Variants in RASGRF2 observed in about 807,000 individuals in gnomAD.
RASGRF2 encodes the protein Ras protein specific guanine nucleotide releasing factor 2, also known as ras-specific guanine nucleotide-releasing factor 2.
In RASGRF2, 76 loss-of-function variants were observed where a neutral mutation model predicts 151.0. The observed-to-expected ratio is 0.50, with a 90% CI of 0.42 to 0.61. RASGRF2 has a LOEUF of 0.61. Among genes scored for constraint, RASGRF2 ranks in the 20% least tolerant of loss-of-function variants. The probability of loss-of-function intolerance (pLI) is 0.00; values close to 1 mark genes in which losing one functional copy is unlikely to be tolerated. For synonymous variants in RASGRF2, 504 were observed against 566.5 expected (o/e 0.89, Z 1.57); for missense variants, 1,148 against 1,564.6 (o/e 0.73, Z 4.49).
intron 17 of RASGRF2, among the ~76,000 whole-genome samples, chr5:81,170,459 C>T (rs1322284361): frequency 1.3e-5 from 2 of 152,264 alleles, no homozygotes; most frequent in African/African-American, 2.4e-5. Context: ...TACTCTCTGA[C>T]TTTACCTCCC....
intron 5 of RASGRF2, among the ~76,000 whole-genome samples, chr5:81,074,839 C>G (rs1168888741): frequency 2.6e-5 from 4 of 152,152 alleles, no homozygotes; most frequent in Non-Finnish European, 5.9e-5. Flanking sequence ...GCTGTGCGTG[C>G]AGGGGACATG....
Position 80,986,046 on chromosome 5 carries a change from A to G in RASGRF2, c.288+25020A>G, listed in dbSNP as rs759238183. On this transcript the variant is annotated intron_variant, in intron 1 of 26. Coordinates refer to ENST00000265080, the MANE Select transcript of RASGRF2 (RefSeq NM_006909.3). Reference sequence around the variant, plus strand: ...AAGGTAAGAAACTGGTTTTTATTATAGTAGTTAACAGGTGAGCCCTAGCTA... The same window carrying G: ...AAGGTAAGAAACTGGTTTTTATTATGGTAGTTAACAGGTGAGCCCTAGCTA... Among the ~76,000 whole-genome samples, 14 of 152,326 alleles carry G rather than the reference A, an allele frequency of 9.2e-5. No individual in the cohort carries two copies. The East Asian group carries it at 2.3e-3, about 25-fold the overall frequency.
At chr5:81,029,295 G>A (rs1348544871) in intron 1 of RASGRF2, among the ~76,000 whole-genome samples, 2 of 152,226 alleles carry the variant, frequency 1.3e-5, no homozygotes, top group Non-Finnish European at 2.9e-5. Context: ...GCTTTGAAGA[G>A]AGTAGTGGTT....
chr5:81,137,392 G>C (rs7723822), intron 17 of RASGRF2, among the ~76,000 whole-genome samples: 11,824 of 152,206 alleles, frequency 0.078, 1,556 homozygotes, highest in African/African-American at 0.27. Flanking sequence ...TCAGTCATAA[G>C]TTGAACAGCA....
chr5:81,161,909 G>A (rs1054453158), intron 17 of RASGRF2, among the ~76,000 whole-genome samples: 1 of 143,506 alleles, frequency 7.0e-6, no homozygotes, highest in Non-Finnish European at 1.5e-5. Context: ...CAGTCAGACC[G>A]TTTTTTTTTT....
chr5:81,152,000 T>G (rs1229423824), intron 17 of RASGRF2, among the ~76,000 whole-genome samples: 1 of 152,056 alleles, frequency 6.6e-6, no homozygotes, highest in Non-Finnish European at 1.5e-5. Context: ...AAGAGAGATT[T>G]TTTGTTTGTT....
chr5:81,187,580 T>C (rs1158084435), intron 18 of RASGRF2, among the ~76,000 whole-genome samples: 1 of 152,228 alleles, frequency 6.6e-6, no homozygotes, highest in Non-Finnish European at 1.5e-5. Context: ...CACTGTTATC[T>C]CAGAGAAGAC....
chr5:81,129,803 A>G (rs1198550369), intron 17 of RASGRF2, among the ~76,000 whole-genome samples: 1 of 152,174 alleles, frequency 6.6e-6, no homozygotes, highest in African/African-American at 2.4e-5. Context: ...CTGCCTTTGG[A>G]AAAAGTGAAG....
Position 81,095,574 on chromosome 5 carries a change from T to C in RASGRF2, c.1755+582T>C, listed in dbSNP as rs151213201. Among the ~76,000 whole-genome samples the C allele has an allele frequency of 7.1e-3, 1,086 of 152,308 alleles. 14 individuals are homozygous for C. Among genetic ancestry groups the C allele is most frequent in the African/African-American group, 0.025 (1,048 of 41,568 alleles). On this transcript the variant is annotated intron_variant, in intron 12 of 26. Transcript: ENST00000265080. Reference sequence around the variant, plus strand: ...AATATGATTTAGAATATGTCAAAACTAGTCATGATTGGACTTGGACATTCT... The same window carrying C: ...AATATGATTTAGAATATGTCAAAACCAGTCATGATTGGACTTGGACATTCT...
intron 15 of RASGRF2, among the ~76,000 whole-genome samples, chr5:81,123,028 A>G (rs1753350744): frequency 6.6e-6 from 1 of 152,214 alleles, no homozygotes; most frequent in African/African-American, 2.4e-5. Context: ...GGGCTGTTCA[A>G]TACCATAGCC....
At chr5:80,991,850 C>T (rs942255154) in intron 1 of RASGRF2, among the ~76,000 whole-genome samples, 1 of 152,126 alleles carries the variant, frequency 6.6e-6, no homozygotes, top group Admixed American at 6.5e-5. Flanking sequence ...TGGCTTTTAA[C>T]CTGACTAACA....
chr5:80,973,108 A>T (rs1480369280), intron 1 of RASGRF2, among the ~76,000 whole-genome samples: 4 of 152,114 alleles, frequency 2.6e-5, no homozygotes, highest in African/African-American at 9.7e-5. Flanking sequence ...AAATGAATGG[A>T]GATGAGGACA....
intron 1 of RASGRF2, among the ~76,000 whole-genome samples, chr5:80,995,693 CT>C (rs1554083685): frequency 5.8e-4 from 56 of 97,296 alleles, no homozygotes; most frequent in East Asian, 2.1e-3. Context: ...TTCCCCCCCC[CT>C]TTTTTTTTTT....
chr5:80,969,369 T>C (rs1262177186), intron 1 of RASGRF2, among the ~76,000 whole-genome samples: 1 of 149,638 alleles, frequency 6.7e-6, no homozygotes, highest in African/African-American at 2.5e-5. Context: ...CTCCTGACCT[T>C]GTGATCTGCC....
intron 17 of RASGRF2, among the ~76,000 whole-genome samples, chr5:81,134,025 T>G (rs908676253): frequency 4.6e-5 from 7 of 151,890 alleles, no homozygotes; most frequent in Admixed American, 3.9e-4. Context: ...TTCAGGAATT[T>G]TTTAAGTTCC....
intron 1 of RASGRF2, among the ~76,000 whole-genome samples, chr5:80,963,874 TCC>T (rs1747641092): frequency 1.3e-5 from 2 of 152,186 alleles, no homozygotes; most frequent in African/African-American, 4.8e-5. Context: ...AGTCCACATA[TCC>T]TTCAATGATT....
intron 1 of RASGRF2, among the ~76,000 whole-genome samples, chr5:81,026,703 A>G (rs1020366124): frequency 6.6e-6 from 1 of 152,228 alleles, no homozygotes; most frequent in African/African-American, 2.4e-5. Flanking sequence ...ACTAAAAATT[A>G]TGACTAATGA....
intron 17 of RASGRF2, among the ~76,000 whole-genome samples, chr5:81,136,883 G>A (rs928155921): frequency 6.6e-6 from 1 of 151,884 alleles, no homozygotes. Context: ...CCTCAGCTAT[G>A]TTGAGTCTAC....
chr5:81,027,220 C>T (rs1750067157), intron 1 of RASGRF2, among the ~76,000 whole-genome samples: 1 of 152,106 alleles, frequency 6.6e-6, no homozygotes, highest in African/African-American at 2.4e-5. Context: ...CCCATAGAAC[C>T]CTAATAAACT....
Sources: allele counts gnomAD v4.1 joint callset (sites outside exome capture counted in the v4.1 genomes callset), GRCh38; gene constraint gnomAD v4.1.1; transcripts MANE v1.5; gene names NCBI Gene and HGNC (gene_info 2026-07-23, HGNC 2026-07-21).